PIBF1: variants seen among roughly 807,000 people sequenced by gnomAD.
PIBF1 encodes the protein progesterone-induced-blocking factor 1.
In PIBF1, 90 loss-of-function variants were observed where a neutral mutation model predicts 112.5. That is an observed-to-expected ratio of 0.80 (90% CI 0.67 to 0.95). PIBF1 has a LOEUF of 0.95. PIBF1 is among the 40% of genes least tolerant of loss of function. The probability of loss-of-function intolerance (pLI) is 0.00; values close to 1 mark genes in which losing one functional copy is unlikely to be tolerated. For missense variants in PIBF1, 915 were observed against 852.3 expected, an observed-to-expected ratio of 1.07 and a Z score of -0.92; for synonymous variants, 301 against 288.6, an observed-to-expected ratio of 1.04 and a Z score of -0.44.
intron 8 of PIBF1, among the ~76,000 whole-genome samples, chr13:72,832,395 G>A (rs1282119345): frequency 6.6e-6 from 1 of 152,054 alleles, no homozygotes; most frequent in African/African-American, 2.4e-5. Context: ...TTTTTGCAGT[G>A]GCTGGTACCA....
intron 13 of PIBF1, among the ~76,000 whole-genome samples, chr13:72,922,368 G>A (rs2041328702): frequency 6.6e-6 from 1 of 152,128 alleles, no homozygotes; most frequent in Non-Finnish European, 1.5e-5. Flanking sequence ...GGCTCTCCTT[G>A]ACTAAACTTG....
At position 72,792,539 on chromosome 13, in the gene PIBF1, A is replaced by T; in HGVS notation, c.345A>T (p.Lys115Asn). ...RLDNQLAFQQKDASKYQELMK... is the reference protein window; with the variant it reads ...RLDNQLAFQQNDASKYQELMK... ...ACAACCAATTGGCTTTTCAACAGAA[A>T]GATGCCAGGTAAGAAAAGTTTTTTT... The change falls in exon 3 of 18, where the codon AAA becomes AAT. Residue 115 changes from lysine (K) to asparagine (N), a missense_variant. By Grantham distance (94) the Lys-to-Asn change is moderately conservative. Transcript: ENST00000326291. 1 of 1,520,572 alleles carries T rather than the reference A, an allele frequency of 6.6e-7. No homozygotes were observed. The highest frequency in any genetic ancestry group is 8.9e-7 in the Non-Finnish European group (1 of 1,128,922). 94.2% of individuals were successfully genotyped at this position (1,520,572 alleles called of 1,614,324 possible).
intron 5 of PIBF1, among the ~76,000 whole-genome samples, chr13:72,817,850 A>G (rs192154094): frequency 7.9e-5 from 12 of 152,278 alleles, no homozygotes; most frequent in East Asian, 7.7e-4. Flanking sequence ...CCTGTTTCCA[A>G]TGCTATGGCT....
chr13:72,871,411 T>C (rs2039161446), intron 10 of PIBF1, among the ~76,000 whole-genome samples: 1 of 152,104 alleles, frequency 6.6e-6, no homozygotes, highest in African/African-American at 2.4e-5. Flanking sequence ...GTTCGAGCAA[T>C]TCTCCTGCCT....
rs368771374 is a variant in PIBF1, at chr13:72,795,366, C to T, written c.361C>T (p.Gln121Ter). ...AATTCTCTTCTAATGTAGCAAATAT[C>T]AAGAATTAATGAAACAAGAAATGGA... ...AFQQKDASKY[Q>*]ELMKQEMETI... is the part of the protein sequence containing the mutation. Residue 121 changes from glutamine to a stop codon, truncating the protein, a stop_gained, in exon 4 of 18, where the codon CAA becomes TAA. Transcript: ENST00000326291. LOFTEE classifies it high-confidence loss of function. The T allele has an allele frequency of 2.9e-5, 46 of 1,576,074 alleles. No individual in the cohort carries two copies. The highest frequency in any genetic ancestry group is 4.0e-5 in the Non-Finnish European group (46 of 1,156,918).
chr13:72,966,904 G>A (rs2042754605), intron 15 of PIBF1, among the ~76,000 whole-genome samples: 1 of 150,226 alleles, frequency 6.7e-6, no homozygotes, highest in Non-Finnish European at 1.5e-5. Flanking sequence ...GTGAGACTCT[G>A]TCTCAAAAAA....
chr13:72,947,668 G>C (rs1013740136), intron 14 of PIBF1, among the ~76,000 whole-genome samples: 4 of 152,178 alleles, frequency 2.6e-5, no homozygotes, highest in African/African-American at 9.7e-5. Context: ...CATTGTGGAA[G>C]ATAGTGTGGC....
chr13:72,901,201 A>ACT, intron 11 of PIBF1: 1 of 259,624 alleles, frequency 3.9e-6, no homozygotes, highest in South Asian at 3.3e-5. Context: ...TCTACAGTGA[A>ACT]CTCAAATCAG....
chr13:72,836,079 A>G (rs776547150), intron 9 of PIBF1: 30 of 450,360 alleles, frequency 6.7e-5, no homozygotes, highest in South Asian at 4.7e-4. Context: ...AGCCTTGGCG[A>G]AAGTGCGAGA....
At chr13:72,816,436 G>T (rs2036277860) in intron 5 of PIBF1, among the ~76,000 whole-genome samples, 1 of 152,238 alleles carries the variant, frequency 6.6e-6, no homozygotes, top group South Asian at 2.1e-4. Context: ...GCTGAGGCGG[G>T]TGGATTCCTT....
At chr13:72,904,968 G>A (rs1244735489) in intron 11 of PIBF1, among the ~76,000 whole-genome samples, 3 of 151,232 alleles carry the variant, frequency 2.0e-5, no homozygotes, top group Non-Finnish European at 4.4e-5. Context: ...CTACTTTTTT[G>A]TTCTAGAGAG....
At chr13:72,865,485 A>G (rs2038887635) in intron 10 of PIBF1, among the ~76,000 whole-genome samples, 1 of 152,220 alleles carries the variant, frequency 6.6e-6, no homozygotes, top group Non-Finnish European at 1.5e-5. Flanking sequence ...TCTTCTGGCA[A>G]ATTTCAGTGG....
intron 10 of PIBF1, among the ~76,000 whole-genome samples, chr13:72,855,642 C>CT (rs1262099243): frequency 2.0e-5 from 3 of 151,996 alleles, no homozygotes; most frequent in African/African-American, 7.2e-5. Flanking sequence ...GAGTGAGACT[C>CT]TGTCTCAAAA....
At chr13:72,789,674 A>T (rs1184152345) in intron 2 of PIBF1, among the ~76,000 whole-genome samples, 1 of 151,908 alleles carries the variant, frequency 6.6e-6, no homozygotes, top group African/African-American at 2.4e-5. Flanking sequence ...CTCGTGATAC[A>T]GGTTGTTTCT....
chr13:72,905,872 T>C (rs2040685973), intron 11 of PIBF1, among the ~76,000 whole-genome samples: 1 of 152,194 alleles, frequency 6.6e-6, no homozygotes, highest in African/African-American at 2.4e-5. Flanking sequence ...AAGATTCTGG[T>C]TGTTAAAACT....
At chr13:72,838,306 T>C (rs1236769326) in intron 9 of PIBF1, among the ~76,000 whole-genome samples, 2 of 152,090 alleles carry the variant, frequency 1.3e-5, no homozygotes, top group Non-Finnish European at 2.9e-5. Flanking sequence ...GACAAAATGA[T>C]AGGATAAAAG....
At chr13:72,969,819 A>C (rs1487684865) in intron 15 of PIBF1, 1 of 152,222 alleles carries the variant, frequency 6.6e-6, no homozygotes, top group East Asian at 1.9e-4. Context: ...AATTAAATTT[A>C]GGGGCATATA....
At chr13:72,872,618 T>A (rs1334375576) in intron 10 of PIBF1, among the ~76,000 whole-genome samples, 1 of 152,204 alleles carries the variant, frequency 6.6e-6, no homozygotes, top group Non-Finnish European at 1.5e-5. Context: ...TAATTAATTT[T>A]ATTCTCAGTT....
At chr13:72,921,119 G>A (rs1304745992) in intron 13 of PIBF1, among the ~76,000 whole-genome samples, 1 of 151,976 alleles carries the variant, frequency 6.6e-6, no homozygotes, top group African/African-American at 2.4e-5. Flanking sequence ...ATTTTTTGGA[G>A]TTGGAGTCTC....
Sources: allele counts gnomAD v4.1 joint callset (sites outside exome capture counted in the v4.1 genomes callset), GRCh38; gene constraint gnomAD v4.1.1; transcripts MANE v1.5; gene names NCBI Gene and HGNC (gene_info 2026-07-23, HGNC 2026-07-21).